ASCC3: variants seen among roughly 807,000 people sequenced by gnomAD.
ASCC3 encodes ASC-1 complex subunit P200.
In ASCC3, 158 loss-of-function variants were observed where a neutral mutation model predicts 256.3. The observed-to-expected ratio is 0.62, with a 90% CI of 0.54 to 0.70. ASCC3 has a LOEUF of 0.70. Ranked by LOEUF, ASCC3 falls within the 30% of genes least tolerant of loss-of-function variation. The probability of loss-of-function intolerance (pLI) is 0.00; values close to 1 mark genes in which losing one functional copy is unlikely to be tolerated. For missense variants in ASCC3, 2,259 were observed against 2,626.0 expected, an observed-to-expected ratio of 0.86 and a Z score of 3.05; for synonymous variants, 948 against 883.4, an observed-to-expected ratio of 1.07 and a Z score of -1.30.
At position 100,774,364 on chromosome 6, in the gene ASCC3, T is replaced by G. The variant is rs185083028; in HGVS notation, c.1396-7019A>C. Among the ~76,000 whole-genome samples, 790 of 145,018 alleles carry G rather than the reference T, an allele frequency of 5.4e-3. 8 individuals are homozygous for G. Among genetic ancestry groups the G allele is most frequent in the African/African-American group, 0.018 (760 of 41,084 alleles). ...CATGACACGTGCATGTCACCACACC[T>G]GACTAACTTTTTTTTTTCGGAGATG... On this transcript the variant is annotated intron_variant, in intron 8 of 41. Coordinates refer to ENST00000369162, the MANE Select transcript of ASCC3 (RefSeq NM_006828.4).
intron 10 of ASCC3, among the ~76,000 whole-genome samples, chr6:100,731,470 TA>T (rs1779899855): frequency 6.6e-6 from 1 of 152,216 alleles, no homozygotes; most frequent in Non-Finnish European, 1.5e-5. Flanking sequence ...ATACAAACCA[TA>T]AAGCCCTTGT....
intron 36 of ASCC3, among the ~76,000 whole-genome samples, chr6:100,558,047 T>A (rs1234790024): frequency 6.8e-6 from 1 of 147,896 alleles, no homozygotes; most frequent in Non-Finnish European, 1.5e-5. Context: ...AAGGAGAAAA[T>A]ACTTGATAAT....
intron 8 of ASCC3, among the ~76,000 whole-genome samples, chr6:100,779,454 A>C (rs1782344404): frequency 6.6e-6 from 1 of 152,146 alleles, no homozygotes; most frequent in Non-Finnish European, 1.5e-5. Flanking sequence ...AAAAAACTGG[A>C]AGAAAATACT....
chr6:100,815,860 A>G (rs533587852), intron 4 of ASCC3, among the ~76,000 whole-genome samples: 16 of 152,100 alleles, frequency 1.1e-4, no homozygotes, highest in Non-Finnish European at 2.4e-4. Context: ...CATAAGAATG[A>G]GCAAAGATTT....
At chr6:100,649,792 A>T (rs998240394) in intron 20 of ASCC3, among the ~76,000 whole-genome samples, 4 of 151,722 alleles carry the variant, frequency 2.6e-5, no homozygotes, top group Non-Finnish European at 5.9e-5. Flanking sequence ...AAATAAAATT[A>T]AAAAGCCTTG....
intron 24 of ASCC3, among the ~76,000 whole-genome samples, chr6:100,640,959 AG>A (rs1345596520): frequency 6.6e-6 from 1 of 152,154 alleles, no homozygotes; most frequent in Non-Finnish European, 1.5e-5. Flanking sequence ...AAAATGACAA[AG>A]GGTTTCTCTT....
At chr6:100,530,608 C>T in intron 37 of ASCC3, 1 of 794,900 alleles carries the variant, frequency 1.3e-6, no homozygotes, top group South Asian at 1.3e-5. Context: ...ATGTTCAGAG[C>T]AGCAATACAG....
At chr6:100,627,563 A>C (rs1285412961) in intron 29 of ASCC3, 27 bp downstream of exon 29, 1 of 1,612,300 alleles carries the variant, frequency 6.2e-7, no homozygotes, top group South Asian at 1.1e-5. Context: ...AATGGTTACT[A>C]TTTTATTCCA....
chr6:100,582,112 A>G (rs1015038203), intron 36 of ASCC3, among the ~76,000 whole-genome samples: 6 of 151,542 alleles, frequency 4.0e-5, no homozygotes, highest in Non-Finnish European at 8.8e-5. Context: ...GTTTTTTCCA[A>G]TTCTGTGAAG....
chr6:100,781,386 G>A (rs187936461), intron 8 of ASCC3, among the ~76,000 whole-genome samples: 26 of 151,828 alleles, frequency 1.7e-4, no homozygotes, highest in Admixed American at 9.2e-4. Context: ...TTTTTGTTTC[G>A]TTTTGTTTTG....
chr6:100,652,977 T>TAAGAAAAG, intron 17 of ASCC3, 88 bp from the exon 18 acceptor site: 1 of 1,300,992 alleles, frequency 7.7e-7, no homozygotes, highest in Non-Finnish European at 1.1e-6. Context: ...ATTAAAACTT[T>TAAGAAAAG]TCTTAATGTT....
chr6:100,766,698 T>G lies in ASCC3; in HGVS notation c.1604A>C (p.Tyr535Ser). 6.2e-7 allele frequency: 1 copy of G among 1,613,984 alleles called. No homozygotes were observed. Among genetic ancestry groups the G allele is most frequent in the South Asian group, 1.1e-5 (1 of 91,078 alleles). The change falls in exon 10 of 42, where the codon TAT becomes TCT. Residue 535 changes from tyrosine to serine, a missense_variant. Physicochemically the swap from Tyr to Ser is moderately radical, Grantham distance 144. Coordinates refer to ENST00000369162, the MANE Select transcript of ASCC3 (RefSeq NM_006828.4). ...TGCCAAGGCTTTCATTGGAGCAACA[T>G]ATACAATCTATACCAAAGGAACACT... ...VIKKNEFKIV[Y>S]VAPMKALAAE...
chr6:100,587,041 A>C (rs944371085), intron 36 of ASCC3, among the ~76,000 whole-genome samples: 5 of 152,186 alleles, frequency 3.3e-5, no homozygotes, highest in Admixed American at 1.3e-4. Context: ...ATATGAGTGA[A>C]TTGTACAAAA....
intron 3 of ASCC3, among the ~76,000 whole-genome samples, chr6:100,852,857 A>ATAT (rs900412808): frequency 3.3e-5 from 5 of 152,164 alleles, no homozygotes; most frequent in African/African-American, 1.2e-4. Flanking sequence ...CAACTGTAAT[A>ATAT]TATTTAAAAG....
intron 30 of ASCC3, among the ~76,000 whole-genome samples, chr6:100,611,991 T>C (rs761361303): frequency 6.6e-6 from 1 of 152,030 alleles, no homozygotes; most frequent in Admixed American, 6.6e-5. Flanking sequence ...CTTTGAAATA[T>C]GTCTGACCAC....
chr6:100,606,550 G>A (rs1191935517), intron 32 of ASCC3, among the ~76,000 whole-genome samples, 190 bp downstream of exon 32: 1 of 152,006 alleles, frequency 6.6e-6, no homozygotes, highest in Admixed American at 6.6e-5. Flanking sequence ...GTAAGTAAAA[G>A]TAAATACAGC....
In ASCC3 at chr6:100,789,756, G is replaced by A. The variant is rs916670258; in HGVS notation, c.1395+8957C>T. On this transcript the variant is annotated intron_variant, in intron 8 of 41. Coordinates refer to ENST00000369162, the MANE Select transcript of ASCC3 (RefSeq NM_006828.4). ...TGAAGGAACAAGCAAAACATTTAGC[G>A]GAAGAAATCATGAAAGCTGTGTAAC... Among the ~76,000 whole-genome samples the A allele has an allele frequency of 3.3e-5, 5 of 152,004 alleles. No individual in the cohort carries two copies. The East Asian group carries it at 5.8e-4, about 18-fold the overall frequency.
chr6:100,742,758 A>G (rs1780496744), intron 10 of ASCC3, among the ~76,000 whole-genome samples: 1 of 152,164 alleles, frequency 6.6e-6, no homozygotes. Context: ...AACTGCAGAG[A>G]AGGCAGCCCC....
intron 4 of ASCC3, among the ~76,000 whole-genome samples, chr6:100,814,191 AG>A (rs1224834370): frequency 2.0e-5 from 3 of 152,092 alleles, no homozygotes; most frequent in Non-Finnish European, 4.4e-5. Flanking sequence ...ACATCTATTG[AG>A]GTAAGCATGT....
Sources: gnomAD v4.1 joint callset for allele counts (sites outside exome capture counted in the v4.1 genomes callset) on GRCh38, gnomAD v4.1.1 for gene constraint, MANE v1.5 for transcripts, NCBI Gene and HGNC (gene_info 2026-07-23, HGNC 2026-07-21) for gene names.